Variants in DGKE observed in about 807,000 individuals in gnomAD.
The protein encoded by DGKE is DAG kinase epsilon.
Under a neutral mutation model 70.0 loss-of-function variants are expected in DGKE, and 53 were observed. The observed-to-expected ratio is 0.76, with a 90% CI of 0.61 to 0.95. The LOEUF (loss-of-function observed/expected upper bound fraction) is 0.95. DGKE is among the 40% of genes least tolerant of loss of function. The probability of loss-of-function intolerance (pLI) is 0.00; values close to 1 mark genes in which losing one functional copy is unlikely to be tolerated. For synonymous variants in DGKE, 291 were observed against 257.0 expected (o/e 1.13, Z -1.27); for missense variants, 655 against 706.9 (o/e 0.93, Z 0.83).
At chr17:56,851,300 C>T (rs1907636041) in intron 7 of DGKE, among the ~76,000 whole-genome samples, 1 of 152,202 alleles carries the variant, frequency 6.6e-6, no homozygotes, top group African/African-American at 2.4e-5. Flanking sequence ...CTCCTCAACT[C>T]AGGTAGTAGA....
intron 2 of DGKE, 40 bp downstream of exon 2, chr17:56,835,299 G>A (rs1228627384): frequency 1.3e-6 from 2 of 1,558,698 alleles, no homozygotes; most frequent in East Asian, 2.2e-5. Context: ...AGAATGCGCC[G>A]TGGGAATCAG....
In DGKE at chr17:56,834,787, T is replaced by C. The variant is rs776819358; in HGVS notation, c.-9T>C. 3.8e-6 allele frequency: 6 copies of C among 1,593,964 alleles called. No individual in the cohort carries two copies. The South Asian group carries it at 6.7e-5, about 18-fold the overall frequency. On this transcript the variant is annotated 5_prime_UTR_variant, in exon 2 of 12. Coordinates refer to ENST00000284061, the MANE Select transcript of DGKE (RefSeq NM_003647.3). ...TTTCTTTTCTGGTTAGGTATCGTCCTTGGAGAAGATGGAAGCGGAGAGGCG... is the reference window on the plus strand; with the variant it reads ...TTTCTTTTCTGGTTAGGTATCGTCCCTGGAGAAGATGGAAGCGGAGAGGCG...
At position 56,866,190 on chromosome 17, in the gene DGKE, C is replaced by T. The variant is rs1013668247; in HGVS notation, c.*3399C>T. The T allele has an allele frequency of 2.6e-5, 4 of 152,084 alleles. No homozygotes were observed. Among genetic ancestry groups the T allele is most frequent in the African/African-American group, 9.7e-5 (4 of 41,432 alleles). 9.4% of individuals were successfully genotyped at this position (152,084 alleles called of 1,614,324 possible). A position where few individuals can be genotyped will look rare whatever the true frequency, so the allele number is the denominator to read the frequency against. On this transcript the variant is annotated 3_prime_UTR_variant, in exon 12 of 12. Coordinates refer to ENST00000284061, the MANE Select transcript of DGKE (RefSeq NM_003647.3). ...TGTCCCCCTGTCTTTTTCAATTTTT[C>T]CCTTGAAGCCTTTCTCTTGTTCTTC...
At chr17:56,847,035 T>C (rs35396915) in intron 4 of DGKE, among the ~76,000 whole-genome samples, 2 of 152,234 alleles carry the variant, frequency 1.3e-5, no homozygotes, top group Non-Finnish European at 2.9e-5. Context: ...GGTAACACTG[T>C]CTCTATGATT....
chr17:56,862,584 T>G (rs756194884), intron 11 of DGKE, 28 bp from the exon 12 acceptor site: 3 of 1,477,544 alleles, frequency 2.0e-6, no homozygotes, highest in Non-Finnish European at 2.7e-6. Flanking sequence ...GGACTGACTT[T>G]TAAACATTAT....
chr17:56,844,488 T>C (rs1244910194), intron 3 of DGKE, among the ~76,000 whole-genome samples: 2 of 152,196 alleles, frequency 1.3e-5, no homozygotes, highest in Admixed American at 6.5e-5. Flanking sequence ...TTTTTAAAAA[T>C]ACAGATTTCT....
At chr17:56,857,089 C>T (rs990809487) in intron 8 of DGKE, among the ~76,000 whole-genome samples, 1 of 152,142 alleles carries the variant, frequency 6.6e-6, no homozygotes, top group Non-Finnish European at 1.5e-5. Context: ...CAGAATGAAA[C>T]TCCATCTCAA....
intron 3 of DGKE, 69 bp from the exon 4 acceptor site, chr17:56,845,621 C>G: frequency 6.7e-7 from 1 of 1,490,996 alleles, no homozygotes; most frequent in East Asian, 2.4e-5. Flanking sequence ...CCATTGTTCT[C>G]AAGGCATGGA....
At chr17:56,850,530 CAG>C (rs1158825205) in intron 7 of DGKE, among the ~76,000 whole-genome samples, 4 of 152,062 alleles carry the variant, frequency 2.6e-5, no homozygotes, top group South Asian at 2.1e-4. Flanking sequence ...AAGGAGAAAA[CAG>C]AGAAAGAGAA....
chr17:56,839,222 G>A lies in DGKE; in HGVS notation c.464+3963G>A, dbSNP rs556247404. 2.5e-4 allele frequency among the ~76,000 whole-genome samples: 38 copies of A among 152,246 alleles called. No individual in the cohort carries two copies. In the South Asian group the frequency reaches 3.5e-3, roughly 14 times the overall value. On this transcript the variant is annotated intron_variant, in intron 2 of 11. Coordinates refer to ENST00000284061, the MANE Select transcript of DGKE (RefSeq NM_003647.3). ...GAAAGAGAATATTGTGGGAGAAAAT[G>A]TCATTAAGAATCAGCGTGAAGGGTG...
intron 8 of DGKE, 58 bp from the exon 9 acceptor site, chr17:56,858,536 C>T: frequency 7.1e-7 from 1 of 1,408,802 alleles, no homozygotes. Context: ...CGTATTTTTT[C>T]TTATTGTTTA....
In DGKE at chr17:56,866,937, A is replaced by AT. The variant is rs1232503517; in HGVS notation, c.*4150dup. ...TTCGTGTTTTTTTGGTGGACAGAAT[A>AT]TTTTGGAGGTCTCCGTCGCTGTTTA... On this transcript the variant is annotated 3_prime_UTR_variant, in exon 12 of 12. Coordinates refer to ENST00000284061, the MANE Select transcript of DGKE (RefSeq NM_003647.3). The AT allele has an allele frequency of 6.6e-6, 1 of 152,200 alleles. No individual in the cohort carries two copies. Among genetic ancestry groups the AT allele is most frequent in the African/African-American group, 2.4e-5 (1 of 41,442 alleles). The allele number at this position is 152,200 out of a possible 1,614,324, so 9.4% of individuals were successfully genotyped here.
Position 56,856,628 on chromosome 17 carries a change from G to A in DGKE, c.1212+3G>A, listed in dbSNP as rs1907967482. 1 of 1,610,310 alleles carries A rather than the reference G, an allele frequency of 6.2e-7. No homozygotes were observed. The highest frequency in any genetic ancestry group is 1.1e-5 in the South Asian group (1 of 90,034). On this transcript the variant is annotated splice_donor_region_variant and intron_variant, in intron 8 of 11. Coordinates refer to ENST00000284061, the MANE Select transcript of DGKE (RefSeq NM_003647.3). ...TTTCTAGCAGAATTCTTAATAAGGT[G>A]TGTTGGATAAAATAACATTTCCTGC...
chr17:56,861,765 C>T (rs762270271), intron 9 of DGKE, 26 bp from the exon 10 acceptor site: 1 of 1,608,410 alleles, frequency 6.2e-7, no homozygotes, highest in Non-Finnish European at 8.5e-7. Context: ...ATCCTGTAGT[C>T]ACTATCTATT....
chr17:56,869,270 T>C lies in DGKE; in HGVS notation c.*6479T>C, dbSNP rs1908655193. The C allele has an allele frequency of 2.7e-5, 4 of 147,948 alleles. No individual in the cohort carries two copies. The South Asian group carries it at 8.7e-4, about 32-fold the overall frequency. The allele number at this position is 147,948 out of a possible 1,614,324, so 9.2% of individuals were successfully genotyped here. ...GAGTATATGAAATCTAATTTTTAAGTATTGGTTGGCAACTAATTGACTATC... is the reference window on the plus strand; with the variant it reads ...GAGTATATGAAATCTAATTTTTAAGCATTGGTTGGCAACTAATTGACTATC... On this transcript the variant is annotated 3_prime_UTR_variant, in exon 12 of 12. Transcript: ENST00000284061.
chr17:56,848,051 G>A lies in DGKE; in HGVS notation c.874G>A (p.Asp292Asn). The change falls in exon 5 of 12, where the codon GAC (aspartate) becomes AAC (asparagine). Residue 292 changes from aspartate to asparagine, a missense_variant. Asp to Asn is a conservative substitution (Grantham distance 23, BLOSUM62 1). Coordinates refer to ENST00000284061, the MANE Select transcript of DGKE (RefSeq NM_003647.3). ...TVGWVLDAVD[D>N]MKIKGQEKYI... ...AGGGTGGGTCCTGGATGCAGTTGAT[G>A]ACATGAAGATTAAGGTATTAGTCTT... 1 of 1,567,618 alleles carries A rather than the reference G, an allele frequency of 6.4e-7. No individual in the cohort carries two copies. The highest frequency in any genetic ancestry group is 2.3e-5 in the East Asian group (1 of 43,484).
intron 2 of DGKE, among the ~76,000 whole-genome samples, chr17:56,842,523 A>G (rs1184599975): frequency 6.6e-6 from 1 of 152,224 alleles, no homozygotes; most frequent in Non-Finnish European, 1.5e-5. Flanking sequence ...CCAGTCTATT[A>G]TAGTTTCTCA....
At chr17:56,843,462 C>T (rs1361216676) in intron 2 of DGKE, among the ~76,000 whole-genome samples, 5 of 152,078 alleles carry the variant, frequency 3.3e-5, no homozygotes, top group South Asian at 2.1e-4. Context: ...AAATTTTAAC[C>T]TCACAGATGC....
intron 8 of DGKE, among the ~76,000 whole-genome samples, chr17:56,856,920 G>A (rs1004148004): frequency 1.1e-4 from 16 of 152,052 alleles, no homozygotes; most frequent in Non-Finnish European, 1.9e-4. Context: ...CCAACATGGT[G>A]AAACCCTGTC....
Sources: allele counts gnomAD v4.1 joint callset (sites outside exome capture counted in the v4.1 genomes callset), GRCh38; gene constraint gnomAD v4.1.1; transcripts MANE v1.5; gene names NCBI Gene and HGNC (gene_info 2026-07-23, HGNC 2026-07-21).